MARCHF1: variants seen among roughly 807,000 people sequenced by gnomAD.
MARCHF1 encodes membrane associated ring-CH-type finger 1.
MARCHF1 carries 40 observed loss-of-function variants against 54.2 expected under a neutral mutation model. That is an observed-to-expected ratio of 0.74 (90% CI 0.57 to 0.96). The LOEUF is 0.96. Ranked by LOEUF, MARCHF1 falls within the 40% of genes least tolerant of loss-of-function variation. The pLI is 0.00. For missense variants in MARCHF1, 586 were observed against 656.5 expected (o/e 0.89, Z 1.17); for synonymous variants, 236 against 236.3 (o/e 1.00, Z 0.01).
intron 9 of MARCHF1, among the ~76,000 whole-genome samples, chr4:163,538,765 T>C (rs1738621344): frequency 7.6e-6 from 1 of 131,468 alleles, no homozygotes; most frequent in Admixed American, 8.7e-5. Flanking sequence ...CCTTGAGATA[T>C]TAAGCCTGTT....
chr4:163,647,327 T>C (rs1395596103), intron 5 of MARCHF1, among the ~76,000 whole-genome samples: 1 of 152,026 alleles, frequency 6.6e-6, no homozygotes, highest in East Asian at 1.9e-4. Flanking sequence ...GGGACTGTAA[T>C]ACGCCACTTT....
At chr4:163,859,962 T>C (rs756391451) in intron 3 of MARCHF1, among the ~76,000 whole-genome samples, 40 of 152,312 alleles carry the variant, frequency 2.6e-4, no homozygotes, top group Non-Finnish European at 5.0e-4. Context: ...GCCAATCTTG[T>C]AGACATAAAA....
At chr4:163,895,667 T>G (rs1251769743) in intron 3 of MARCHF1, among the ~76,000 whole-genome samples, 1 of 152,178 alleles carries the variant, frequency 6.6e-6, no homozygotes, top group Non-Finnish European at 1.5e-5. Context: ...CTGTTTATGC[T>G]GTGAAAGAGG....
intron 4 of MARCHF1, among the ~76,000 whole-genome samples, chr4:163,841,714 C>T (rs2111132627): frequency 6.6e-6 from 1 of 152,196 alleles, no homozygotes; most frequent in East Asian, 1.9e-4. Context: ...TTTGCAGTCT[C>T]ATTGCAATAT....
chr4:164,185,990 T>C (rs1322115067), intron 1 of MARCHF1, among the ~76,000 whole-genome samples: 1 of 152,150 alleles, frequency 6.6e-6, no homozygotes, highest in African/African-American at 2.4e-5. Flanking sequence ...GCCTCTGGGT[T>C]CAAGTGATTC....
At chr4:163,750,465 C>T (rs1322580531) in intron 4 of MARCHF1, among the ~76,000 whole-genome samples, 9 of 151,462 alleles carry the variant, frequency 5.9e-5, no homozygotes, top group African/African-American at 1.7e-4. Context: ...GAGCTGAGAT[C>T]GCGCCACTGC....
At chr4:163,773,474 G>C (rs561705180) in intron 4 of MARCHF1, among the ~76,000 whole-genome samples, 3 of 152,270 alleles carry the variant, frequency 2.0e-5, no homozygotes, top group Non-Finnish European at 4.4e-5. Flanking sequence ...TAAGCCACAC[G>C]AAGACAGTTT....
At chr4:163,531,441 C>T (rs527302546) in intron 9 of MARCHF1, among the ~76,000 whole-genome samples, 22 of 151,770 alleles carry the variant, frequency 1.4e-4, no homozygotes, top group Middle Eastern at 3.4e-3. Flanking sequence ...AAACTAGGAA[C>T]GGAAGGGAAT....
intron 4 of MARCHF1, among the ~76,000 whole-genome samples, chr4:163,745,248 A>T (rs1746323638): frequency 7.1e-6 from 1 of 141,616 alleles, no homozygotes; most frequent in African/African-American, 2.4e-5. Flanking sequence ...AGTAGCTGGG[A>T]TTACAGGTGC....
chr4:163,791,601 T>C (rs1395203151), intron 4 of MARCHF1, among the ~76,000 whole-genome samples: 1 of 152,156 alleles, frequency 6.6e-6, no homozygotes, highest in Non-Finnish European at 1.5e-5. Context: ...AGGCACTGGC[T>C]CCTGAAGAAA....
In MARCHF1 at chr4:163,787,773, T is replaced by G. The variant is rs77883039; in HGVS notation, c.111+66248A>C. On this transcript the variant is annotated intron_variant, in intron 4 of 9. Coordinates refer to ENST00000514618, the MANE Select transcript of MARCHF1 (RefSeq NM_001394959.1). ...GCACGATCTTAAAGAAATATCTGCA[T>G]GCCTTGTTCACTGAAGCATTATTCA... Among the ~76,000 whole-genome samples the G allele has an allele frequency of 7.2e-3, 1,094 of 152,064 alleles. 8 individuals carry two copies. Among genetic ancestry groups the G allele is most frequent in the South Asian group, 0.03 (147 of 4,822 alleles).
intron 1 of MARCHF1, among the ~76,000 whole-genome samples, chr4:164,322,406 T>C (rs1211123974): frequency 3.3e-5 from 5 of 151,948 alleles, no homozygotes; most frequent in Admixed American, 3.3e-4. Flanking sequence ...GGTAGCTCAA[T>C]ATTTAGTTTT....
intron 3 of MARCHF1, among the ~76,000 whole-genome samples, chr4:163,903,822 C>T (rs1471089891): frequency 6.6e-6 from 1 of 152,012 alleles, no homozygotes; most frequent in Non-Finnish European, 1.5e-5. Context: ...AAGATTGTTG[C>T]CCAGGCTGGT....
At chr4:163,594,770 A>G (rs1467461648) in intron 7 of MARCHF1, among the ~76,000 whole-genome samples, 1 of 151,544 alleles carries the variant, frequency 6.6e-6, no homozygotes, top group South Asian at 2.1e-4. Flanking sequence ...ACACACACAC[A>G]CACACACACA....
chr4:163,708,674 T>C (rs1427831060), intron 4 of MARCHF1, among the ~76,000 whole-genome samples: 1 of 152,130 alleles, frequency 6.6e-6, no homozygotes, highest in Non-Finnish European at 1.5e-5. Flanking sequence ...ATGCACATGT[T>C]TGTGTATAGA....
intron 3 of MARCHF1, among the ~76,000 whole-genome samples, chr4:163,885,724 C>T (rs968299802): frequency 2.0e-5 from 3 of 151,718 alleles, no homozygotes; most frequent in African/African-American, 7.3e-5. Flanking sequence ...TTATAATGTA[C>T]ACAATATAAT....
At chr4:164,374,728 A>C (rs1458105164) in intron 1 of MARCHF1, among the ~76,000 whole-genome samples, 4 of 152,130 alleles carry the variant, frequency 2.6e-5, no homozygotes, top group Non-Finnish European at 4.4e-5. Flanking sequence ...GCTATTGTTA[A>C]TGGCACAGAA....
At chr4:164,112,633 G>C (rs1288706151) in intron 1 of MARCHF1, among the ~76,000 whole-genome samples, 1 of 151,886 alleles carries the variant, frequency 6.6e-6, no homozygotes, top group Admixed American at 6.6e-5. Context: ...AAATGAGTTT[G>C]CTTATAGAAT....
chr4:164,107,705 G>T (rs188592257), intron 2 of MARCHF1, among the ~76,000 whole-genome samples: 1 of 152,108 alleles, frequency 6.6e-6, no homozygotes, highest in Admixed American at 6.6e-5. Context: ...AAGTGAGTAA[G>T]TGTTTACTCA....
Sources: gnomAD v4.1 joint callset for allele counts (sites outside exome capture counted in the v4.1 genomes callset) on GRCh38, gnomAD v4.1.1 for gene constraint, MANE v1.5 for transcripts, NCBI Gene and HGNC (gene_info 2026-07-23, HGNC 2026-07-21) for gene names.